The following KIAA1210 variants were observed in gnomAD, a reference collection of about 807,000 sequenced individuals.
The protein encoded by KIAA1210 is KIAA1210, also known as acrosomal protein KIAA1210.
In KIAA1210, 48 loss-of-function variants were observed where a neutral mutation model predicts 78.9. The ratio of observed to expected loss-of-function variants is 0.61; its 90% CI spans 0.48 to 0.77. The LOEUF (loss-of-function observed/expected upper bound fraction) is 0.77, where lower values mean the gene tolerates loss of function less well. Ranked by LOEUF, KIAA1210 falls within the 30% of genes least tolerant of loss-of-function variation. The probability of loss-of-function intolerance (pLI) is 0.00; values close to 1 mark genes in which losing one functional copy is unlikely to be tolerated. For missense variants in KIAA1210, 1,108 were observed against 1,100.0 expected, an observed-to-expected ratio of 1.01 and a Z score of -0.10; for synonymous variants, 406 against 404.5, an observed-to-expected ratio of 1.00 and a Z score of -0.04.
At chrX:119,121,790 A>C (rs1928469449) in intron 2 of KIAA1210, among the ~76,000 whole-genome samples, 1 of 108,470 alleles carries the variant, frequency 9.2e-6, no homozygotes. Flanking sequence ...TTTTTTTGAG[A>C]CGGAGTCTCG....
intron 2 of KIAA1210, among the ~76,000 whole-genome samples, chrX:119,141,680 A>T (rs775111128): frequency 1.8e-5 from 2 of 112,428 alleles, no homozygotes; most frequent in East Asian, 2.8e-4. Flanking sequence ...TGGCCTCATT[A>T]GATGAAACTC....
At position 119,085,601 on chromosome X, in the gene KIAA1210, C is replaced by T. The variant is rs183631346; in HGVS notation, c.4157-55G>A. 2.7e-4 allele frequency: 293 copies of T among 1,078,448 alleles called. 1 individual carries two copies. In the African/African-American group the frequency reaches 5.1e-3, roughly 19 times the overall value. 88.9% of individuals were successfully genotyped at this position (1,078,448 alleles called of 1,213,427 possible). A position where few individuals can be genotyped will look rare whatever the true frequency, so the allele number is the denominator to read the frequency against. Reference sequence around the variant, plus strand: ...GAAGCAAGGCAGGCAGGGTCTTGAGCCTGGTTGGGGCTTACCCACAATAAT... The same window carrying T: ...GAAGCAAGGCAGGCAGGGTCTTGAGTCTGGTTGGGGCTTACCCACAATAAT... On this transcript the variant is annotated intron_variant, in intron 9 of 11. Coordinates refer to ENST00000691062, the MANE Select transcript of KIAA1210 (RefSeq NM_001394962.1).
intron 10 of KIAA1210, among the ~76,000 whole-genome samples, chrX:119,084,787 T>G (rs1927079660): frequency 8.9e-6 from 1 of 112,375 alleles, no homozygotes; most frequent in African/African-American, 3.2e-5. Flanking sequence ...ACTTACTCCT[T>G]ATTTCTCAAC....
chrX:119,122,485 T>A (rs1293221894), intron 2 of KIAA1210, among the ~76,000 whole-genome samples: 1 of 112,196 alleles, frequency 8.9e-6, no homozygotes, highest in African/African-American at 3.2e-5. Flanking sequence ...AAATATTTGG[T>A]CTTACAAAAA....
At chrX:119,147,565 C>A (rs1569326023) in exon 2 of KIAA1210, 7 of 1,210,170 alleles carry the variant, frequency 5.8e-6, no homozygotes, top group Non-Finnish European at 7.8e-6. Context: ...TACCAGCAAT[C>A]ACTGCAGTGC....
chrX:119,137,538 C>T (rs1603272555), intron 2 of KIAA1210, among the ~76,000 whole-genome samples: 1 of 112,799 alleles, frequency 8.9e-6, no homozygotes, highest in Non-Finnish European at 1.9e-5. Context: ...GCAAAATTAT[C>T]ATGTGTTAGG....
rs183075017 is a variant in KIAA1210 at position 119,110,483 on chromosome X, T to C, written c.231-1281A>G. Among the ~76,000 whole-genome samples the C allele has an allele frequency of 6.3e-5, 7 of 111,048 alleles. No individual in the cohort carries two copies. The East Asian group carries it at 2.0e-3, about 31-fold the overall frequency. On this transcript the variant is annotated intron_variant, in intron 3 of 11. Transcript: ENST00000691062. ...GGAGATTATAGACCGGGAAATTAGG[T>C]AAGAAAATGAAATTAATGCCATCCA...
In KIAA1210 at chrX:119,083,201, T is replaced by C. The variant is rs559908076; in HGVS notation, c.4321-81A>G. ...ATTGCTTATTCAGAGGACCATAGAG[T>C]GCAAGCCCTGTCCTGGGTACTATGA... On this transcript the variant is annotated intron_variant, in intron 10 of 11. Coordinates refer to ENST00000691062, the MANE Select transcript of KIAA1210 (RefSeq NM_001394962.1). 38 of 665,653 alleles carry C rather than the reference T, an allele frequency of 5.7e-5. No individual in the cohort carries two copies. In the Middle Eastern group the frequency reaches 1.6e-3, roughly 28 times the overall value. 54.9% of individuals were successfully genotyped at this position (665,653 alleles called of 1,213,427 possible).
rs1603265079 is a variant in KIAA1210, at chrX:119,087,746, A to C, written c.2956T>G (p.Leu986Val). The change falls in exon 9 of 12, where the codon TTA (leucine) becomes GTA (valine). Residue 986 changes from leucine to valine, a missense_variant. By Grantham distance (32) the Leu-to-Val change is conservative. Transcript: ENST00000691062. ...ATTTCCTGAACTTTAGACCTCTTTAAGAACTGGGTAGCATATTGGGGAGGC... is the reference window on the plus strand; with the variant it reads ...ATTTCCTGAACTTTAGACCTCTTTACGAACTGGGTAGCATATTGGGGAGGC... ...PLPPQYATQF[L>V]KRSKVQEMTS... 1.7e-6 allele frequency: 2 copies of C among 1,211,722 alleles called. No individual in the cohort carries two copies. The highest frequency in any genetic ancestry group is 2.2e-6 in the Non-Finnish European group (2 of 895,424).
chrX:119,094,174 CTG>C, intron 7 of KIAA1210: 2 of 588,954 alleles, frequency 3.4e-6, no homozygotes, highest in Non-Finnish European at 5.6e-6. Flanking sequence ...TTCACCAGAC[CTG>C]TGAGTCAAAT....
rs1217495205 is a variant in KIAA1210, at chrX:119,080,997, G to A, written c.*332C>T. The A allele has an allele frequency of 2.1e-5, 3 of 145,860 alleles. No homozygotes were observed. The highest frequency in any genetic ancestry group is 1.7e-4 in the East Asian group (1 of 6,023). 12.0% of individuals were successfully genotyped at this position (145,860 alleles called of 1,213,427 possible). A position where few individuals can be genotyped will look rare whatever the true frequency, so the allele number is the denominator to read the frequency against. ...CGCTGATGCTTGGCCGGGCGCGGTG[G>A]CTCACGCCTGTAATCCCAGCTTTTG... is the stretch of plus-strand genomic sequence containing the variant. On this transcript the variant is annotated 3_prime_UTR_variant, in exon 12 of 12. Coordinates refer to ENST00000691062, the MANE Select transcript of KIAA1210 (RefSeq NM_001394962.1).
intron 3 of KIAA1210, among the ~76,000 whole-genome samples, chrX:119,112,269 A>C (rs1928103851): frequency 8.9e-6 from 1 of 111,827 alleles, no homozygotes; most frequent in Non-Finnish European, 1.9e-5. Flanking sequence ...TGGATTTCAT[A>C]AAAATTAAAA....
intron 10 of KIAA1210, among the ~76,000 whole-genome samples, chrX:119,083,363 A>G (rs1927027658): frequency 9.1e-6 from 1 of 109,700 alleles, no homozygotes; most frequent in Non-Finnish European, 1.9e-5. Flanking sequence ...CAGACCAGAA[A>G]GAAAGAGCTG....
intron 2 of KIAA1210, among the ~76,000 whole-genome samples, chrX:119,145,809 G>A (rs1450048035): frequency 8.9e-6 from 1 of 111,807 alleles, no homozygotes; most frequent in African/African-American, 3.2e-5. Context: ...TGAATGGGCT[G>A]TTTTAATAGC....
At chrX:119,104,901 G>T in intron 6 of KIAA1210, 91 bp downstream of exon 6, 1 of 891,739 alleles carries the variant, frequency 1.1e-6, no homozygotes. Context: ...TCCCCCTAGT[G>T]TTGAGCTCCA....
In KIAA1210 at chrX:119,089,261, C is replaced by G. The variant is rs1293208666; in HGVS notation, c.1441G>C (p.Ala481Pro). 2 of 1,210,208 alleles carry G rather than the reference C, an allele frequency of 1.7e-6. No individual in the cohort carries two copies. Among genetic ancestry groups the G allele is most frequent in the Non-Finnish European group, 2.2e-6 (2 of 895,089 alleles). The change falls in exon 9 of 12, where the codon GCT (alanine) becomes CCT (proline). Residue 481 changes from alanine to proline, a missense_variant. By Grantham distance (27) the Ala-to-Pro change is conservative (BLOSUM62 -1). Around this residue, in one of 5 missense-constraint regions of KIAA1210, gnomAD observed 672 missense variants for 607.1 expected, o/e 1.11. Transcript: ENST00000691062. ...SDPQPYHEDAASGAEKTEARA... is the reference protein window; with the variant it reads ...SDPQPYHEDAPSGAEKTEARA... ...GCTTCTGTCTTCTCAGCTCCAGAAG[C>G]TGCATCTTCATGGTATGGTTGTGGA...
rs1227670438 is a variant in KIAA1210, at chrX:119,116,419, G to A, written c.230+77C>T. ...GACTCTTGGTGTCCCTGGTGATTTG[G>A]CTGCCGAAAGGTGACCTAGATCCAA... On this transcript the variant is annotated intron_variant, in intron 3 of 11. Transcript: ENST00000691062. The A allele has an allele frequency of 8.8e-6, 9 of 1,018,824 alleles. No individual in the cohort carries two copies. In the East Asian group the frequency reaches 2.5e-4, roughly 28 times the overall value. The allele number at this position is 1,018,824 out of a possible 1,213,427, so 84.0% of individuals were successfully genotyped here. A position where few individuals can be genotyped will look rare whatever the true frequency, so the allele number is the denominator to read the frequency against.
In KIAA1210 at chrX:119,088,730, G is replaced by C; in HGVS notation, c.1972C>G (p.Leu658Val). 1.7e-6 allele frequency: 2 copies of C among 1,210,604 alleles called. No individual in the cohort carries two copies. Among genetic ancestry groups the C allele is most frequent in the Non-Finnish European group, 2.2e-6 (2 of 895,074 alleles). Residue 658 changes from leucine (L) to valine (V), a missense_variant, in exon 9 of 12, where the codon CTC becomes GTC. By Grantham distance (32) the Leu-to-Val change is conservative. Around this residue, in one of 5 missense-constraint regions of KIAA1210, gnomAD observed 672 missense variants for 607.1 expected, o/e 1.11. Transcript: ENST00000691062. ...TCTAAAGCCTGGGAGAGGCATCTGA[G>C]GTCCAGCTCCTCCTCAGAGCTGCTC... ...DLSSSEEELDLRCLSQALEEP... is the reference protein window; with the variant it reads ...DLSSSEEELDVRCLSQALEEP...
At chrX:119,114,522 C>T (rs1603269085) in intron 3 of KIAA1210, among the ~76,000 whole-genome samples, 3 of 112,206 alleles carry the variant, frequency 2.7e-5, no homozygotes, top group African/African-American at 9.7e-5. Context: ...TACACGCATA[C>T]GCTCAGTATG....
Sources: allele counts gnomAD v4.1 joint callset (sites outside exome capture counted in the v4.1 genomes callset), GRCh38; gene constraint gnomAD v4.1.1; regional missense constraint gnomAD v4.1.1; transcripts MANE v1.5; gene names NCBI Gene and HGNC (gene_info 2026-07-23, HGNC 2026-07-21).